The following GRIK2 variants were observed in gnomAD, a reference collection of about 807,000 sequenced individuals.
GRIK2 encodes the protein glutamate ionotropic receptor kainate type subunit 2.
GRIK2 carries 32 observed loss-of-function variants against 100.3 expected under a neutral mutation model. The observed-to-expected ratio is 0.32, with a 90% CI of 0.24 to 0.43. The LOEUF (loss-of-function observed/expected upper bound fraction) is 0.43. Ranked by LOEUF, GRIK2 falls within the 20% of genes least tolerant of loss-of-function variation. The probability of loss-of-function intolerance (pLI) is 1.00; values close to 1 mark genes in which losing one functional copy is unlikely to be tolerated. For synonymous variants in GRIK2, 417 were observed against 389.4 expected (o/e 1.07, Z -0.83); for missense variants, 843 against 1,114.9 (o/e 0.76, Z 3.47).
chr6:101,888,344 G>A (rs1280546207), intron 11 of GRIK2, among the ~76,000 whole-genome samples: 1 of 152,112 alleles, frequency 6.6e-6, no homozygotes, highest in East Asian at 1.9e-4. Flanking sequence ...AATAATAGTA[G>A]GATTATGTAA....
rs946229390 is a variant in GRIK2, at chr6:102,002,018, TA to T, written c.2086-33315del. Among the ~76,000 whole-genome samples, 45 of 151,412 alleles carry T rather than the reference TA, an allele frequency of 3.0e-4. 1 individual carries two copies. Among genetic ancestry groups the T allele is most frequent in the Middle Eastern group, 6.8e-3 (2 of 294 alleles). On this transcript the variant is annotated intron_variant, in intron 14 of 16. Coordinates refer to ENST00000369134, the MANE Select transcript of GRIK2 (RefSeq NM_021956.5). Reference sequence around the variant, plus strand: ...TATAAGTTTGTTGAGAGTGGATACCTAAAAAAAAGTGAACTTATCTTGGAAT... The same window carrying T: ...TATAAGTTTGTTGAGAGTGGATACCTAAAAAAAGTGAACTTATCTTGGAAT...
intron 14 of GRIK2, among the ~76,000 whole-genome samples, chr6:101,929,500 A>G (rs1202827913): frequency 6.6e-6 from 1 of 152,330 alleles, no homozygotes; most frequent in East Asian, 1.9e-4. Context: ...TGATTAATTC[A>G]AGCTATAAAA....
intron 2 of GRIK2, among the ~76,000 whole-genome samples, chr6:101,459,718 T>C (rs1003847122): frequency 2.0e-5 from 3 of 151,966 alleles, no homozygotes; most frequent in African/African-American, 7.2e-5. Context: ...CTCTAGAGTG[T>C]CCTCATGCAT....
chr6:101,565,973 AAAG>A (rs1227282700), intron 2 of GRIK2, among the ~76,000 whole-genome samples: 2 of 145,548 alleles, frequency 1.4e-5, no homozygotes, highest in East Asian at 4.0e-4. Flanking sequence ...AAACTAGAGA[AAAG>A]AAACTGTTAT....
chr6:101,717,192 A>G (rs1216887992), intron 7 of GRIK2, among the ~76,000 whole-genome samples: 1 of 151,804 alleles, frequency 6.6e-6, no homozygotes, highest in Non-Finnish European at 1.5e-5. Flanking sequence ...TATAAAAAGG[A>G]GTCAAGAGTA....
In GRIK2 at chr6:101,620,688, T is replaced by TAC. The variant is rs370269642; in HGVS notation, c.116-1259_116-1258dup. The stretch of plus-strand genomic sequence containing the variant: ...AATTTATGAATGACTGTACGGGGAG[T>TAC]ACATGGTGTGAAATTTGAAAGGAAG... On this transcript the variant is annotated intron_variant, in intron 2 of 16. Coordinates refer to ENST00000369134, the MANE Select transcript of GRIK2 (RefSeq NM_021956.5). Among the ~76,000 whole-genome samples the TAC allele has an allele frequency of 1.3e-3, 196 of 152,200 alleles. 1 individual carries two copies. The highest frequency in any genetic ancestry group is 4.7e-3 in the African/African-American group (194 of 41,540).
chr6:101,656,893 AG>A (rs1418180571), intron 4 of GRIK2, among the ~76,000 whole-genome samples: 3 of 152,230 alleles, frequency 2.0e-5, no homozygotes, highest in Non-Finnish European at 2.9e-5. Context: ...ACTACCAATA[AG>A]GCCAGTTATA....
chr6:101,397,057 A>C (rs970297724), intron 1 of GRIK2, among the ~76,000 whole-genome samples: 4 of 152,232 alleles, frequency 2.6e-5, no homozygotes, highest in African/African-American at 9.6e-5. Context: ...AAAAGTTGCA[A>C]CCATAATGTA....
intron 2 of GRIK2, among the ~76,000 whole-genome samples, chr6:101,463,727 A>G (rs1047413577): frequency 1.3e-5 from 2 of 152,164 alleles, no homozygotes; most frequent in Non-Finnish European, 2.9e-5. Flanking sequence ...TCTATCACAC[A>G]GGTAGAATCA....
At chr6:101,589,075 G>T (rs1423016589) in intron 2 of GRIK2, among the ~76,000 whole-genome samples, 2 of 152,076 alleles carry the variant, frequency 1.3e-5, no homozygotes, top group Non-Finnish European at 2.9e-5. Context: ...AAGAATATGG[G>T]ATGAAACCTA....
chr6:101,531,031 T>C (rs990715241), intron 2 of GRIK2, among the ~76,000 whole-genome samples: 1 of 152,040 alleles, frequency 6.6e-6, no homozygotes, highest in Non-Finnish European at 1.5e-5. Context: ...TTATTCCTCT[T>C]ATTTCATTGT....
chr6:101,789,507 G>C (rs902467018), intron 7 of GRIK2, among the ~76,000 whole-genome samples: 2 of 152,142 alleles, frequency 1.3e-5, no homozygotes, highest in African/African-American at 4.8e-5. Flanking sequence ...TCAAAGATCA[G>C]ATAGTTGTAG....
intron 10 of GRIK2, among the ~76,000 whole-genome samples, chr6:101,839,450 G>C (rs1392775261): frequency 6.6e-6 from 1 of 152,136 alleles, no homozygotes; most frequent in Admixed American, 6.5e-5. Context: ...GACTGGTGAT[G>C]GATGAGTGTG....
intron 11 of GRIK2, among the ~76,000 whole-genome samples, chr6:101,861,482 TAA>T (rs1784730736): frequency 6.6e-6 from 1 of 152,174 alleles, no homozygotes; most frequent in African/African-American, 2.4e-5. Context: ...CTTTCCTACC[TAA>T]ATGACCTATA....
chr6:101,802,066 T>C (rs1302799075), intron 8 of GRIK2, among the ~76,000 whole-genome samples: 1 of 151,834 alleles, frequency 6.6e-6, no homozygotes, highest in East Asian at 1.9e-4. Context: ...ACTTAAAACA[T>C]AATAATACAA....
At chr6:101,836,814 C>A (rs2518195) in intron 10 of GRIK2, among the ~76,000 whole-genome samples, 43,332 of 150,614 alleles carry the variant, frequency 0.29, 9,069 homozygotes, top group East Asian at 0.68. Context: ...TACAAATGCA[C>A]GCCACCACGC....
intron 14 of GRIK2, among the ~76,000 whole-genome samples, chr6:101,999,282 T>C (rs1333602688): frequency 6.6e-6 from 1 of 152,144 alleles, no homozygotes; most frequent in Non-Finnish European, 1.5e-5. Flanking sequence ...AAATACTTGC[T>C]GAAAATTTCA....
chr6:101,963,319 A>C (rs12198179), intron 14 of GRIK2, among the ~76,000 whole-genome samples: 6,011 of 45,844 alleles, frequency 0.13, 336 homozygotes, highest in Middle Eastern at 0.43. Flanking sequence ...TTTTTTTGAG[A>C]TGGAGTCTAG....
chr6:101,450,640 C>T (rs1034374503), intron 2 of GRIK2, among the ~76,000 whole-genome samples: 5 of 151,556 alleles, frequency 3.3e-5, no homozygotes, highest in Admixed American at 2.6e-4. Flanking sequence ...TTTCCTGTTG[C>T]CTACATAATA....
Sources: allele counts gnomAD v4.1 joint callset (sites outside exome capture counted in the v4.1 genomes callset), GRCh38; gene constraint gnomAD v4.1.1; transcripts MANE v1.5; gene names NCBI Gene and HGNC (gene_info 2026-07-23, HGNC 2026-07-21).